The following ASAH2 variants were observed in gnomAD, a reference collection of about 807,000 sequenced individuals.
The protein encoded by ASAH2 is N-acylsphingosine amidohydrolase 2, also known as neutral ceramidase.
ASAH2 carries 58 observed loss-of-function variants against 82.9 expected under a neutral mutation model. That is an observed-to-expected ratio of 0.70 (90% CI 0.57 to 0.87). ASAH2 has a LOEUF of 0.87. Ranked by LOEUF, ASAH2 falls within the 40% of genes least tolerant of loss-of-function variation. The pLI, the probability that ASAH2 is intolerant of heterozygous loss-of-function variation, is 0.00. For synonymous variants in ASAH2, 276 were observed against 289.7 expected, an observed-to-expected ratio of 0.95 and a Z score of 0.48; for missense variants, 779 against 834.0, an observed-to-expected ratio of 0.93 and a Z score of 0.81.
At chr10:50,221,166 A>T (rs1845735233) in intron 7 of ASAH2, among the ~76,000 whole-genome samples, 1 of 152,194 alleles carries the variant, frequency 6.6e-6, no homozygotes, top group Non-Finnish European at 1.5e-5. Flanking sequence ...GTTTACATTT[A>T]GGAATATTCT....
chr10:50,218,420 T>C, intron 8 of ASAH2, 90 bp downstream of exon 8: 2 of 1,561,762 alleles, frequency 1.3e-6, no homozygotes, highest in East Asian at 4.5e-5. Flanking sequence ...GACACTTTAT[T>C]CTGGAGATTT....
chr10:50,225,653 G>C (rs1845862657), intron 7 of ASAH2, among the ~76,000 whole-genome samples: 2 of 152,134 alleles, frequency 1.3e-5, no homozygotes. Flanking sequence ...GCTCAAGTTT[G>C]AGTAATGGGA....
intron 14 of ASAH2, 29 bp downstream of exon 14, chr10:50,204,832 T>C: frequency 6.7e-7 from 1 of 1,495,320 alleles, no homozygotes; most frequent in South Asian, 1.2e-5. Context: ...AAACACATTT[T>C]TAACTAAGTA....
chr10:50,213,860 A>T (rs1012737096), intron 9 of ASAH2, among the ~76,000 whole-genome samples: 3 of 152,126 alleles, frequency 2.0e-5, no homozygotes, highest in Non-Finnish European at 2.9e-5. Flanking sequence ...CATTGGGTGG[A>T]GTTGACTGGG....
chr10:50,243,713 CTCT>C (rs1589359669), intron 3 of ASAH2, among the ~76,000 whole-genome samples: 2 of 152,160 alleles, frequency 1.3e-5, no homozygotes, highest in East Asian at 3.8e-4. Flanking sequence ...TTGGCAATGG[CTCT>C]TCTTCTCCTG....
intron 15 of ASAH2, among the ~76,000 whole-genome samples, chr10:50,203,298 C>A (rs1429304078): frequency 1.3e-5 from 2 of 151,886 alleles, no homozygotes; most frequent in African/African-American, 4.8e-5. Flanking sequence ...CAAAATACAG[C>A]ACAGATAAAA....
chr10:50,208,373 C>A (rs1845360839), intron 12 of ASAH2, among the ~76,000 whole-genome samples: 2 of 151,992 alleles, frequency 1.3e-5, no homozygotes, highest in South Asian at 2.1e-4. Flanking sequence ...ATTAATATTT[C>A]TATTTTAAGA....
chr10:50,196,325 T>C (rs1249223754), intron 18 of ASAH2, among the ~76,000 whole-genome samples: 3 of 151,956 alleles, frequency 2.0e-5, no homozygotes, highest in African/African-American at 7.2e-5. Flanking sequence ...GATGACATGA[T>C]ACTATATGTA....
chr10:50,206,548 A>ACACACG (rs1327554072), intron 12 of ASAH2, among the ~76,000 whole-genome samples: 1 of 149,912 alleles, frequency 6.7e-6, no homozygotes, highest in Non-Finnish European at 1.5e-5. Context: ...ACACACACAC[A>ACACACG]CACACACACA....
intron 7 of ASAH2, among the ~76,000 whole-genome samples, chr10:50,227,667 A>G (rs1845924607): frequency 6.6e-6 from 1 of 152,046 alleles, no homozygotes; most frequent in Non-Finnish European, 1.5e-5. Context: ...GATTTTTTTC[A>G]GGTTAAGTAA....
intron 4 of ASAH2, among the ~76,000 whole-genome samples, chr10:50,237,102 G>A (rs907477553): frequency 2.6e-5 from 4 of 152,256 alleles, no homozygotes; most frequent in East Asian, 1.9e-4. Context: ...AAAGCAAGTC[G>A]GCTGTGCAAT....
chr10:50,242,985 GA>G (rs1564851527), intron 4 of ASAH2, among the ~76,000 whole-genome samples: 2 of 152,188 alleles, frequency 1.3e-5, no homozygotes, highest in Non-Finnish European at 2.9e-5. Context: ...GTCATCAGCA[GA>G]AGTGAAAGCA....
At chr10:50,205,105 GA>G in intron 13 of ASAH2, 150 bp from the exon 14 acceptor site, 1 of 585,416 alleles carries the variant, frequency 1.7e-6, no homozygotes, top group East Asian at 2.9e-5. Context: ...GTCATAACAT[GA>G]GAATTTCAAA....
At chr10:50,223,582 A>G (rs1465144769) in intron 7 of ASAH2, among the ~76,000 whole-genome samples, 2 of 152,206 alleles carry the variant, frequency 1.3e-5, no homozygotes. Context: ...TCATAGCAAC[A>G]TGGGAGCTCT....
chr10:50,247,624 G>A (rs938255549), intron 2 of ASAH2, among the ~76,000 whole-genome samples: 8 of 152,062 alleles, frequency 5.3e-5, no homozygotes, highest in African/African-American at 1.9e-4. Flanking sequence ...GGCTACAAAA[G>A]GGAAAACTGA....
intron 14 of ASAH2, among the ~76,000 whole-genome samples, chr10:50,203,949 A>G (rs1047352106): frequency 6.6e-6 from 1 of 152,190 alleles, no homozygotes. Context: ...ATTATTTTCC[A>G]TTCTTGAGTC....
chr10:50,196,195 A>C (rs1844976819), intron 18 of ASAH2, among the ~76,000 whole-genome samples: 1 of 151,968 alleles, frequency 6.6e-6, no homozygotes, highest in South Asian at 2.1e-4. Flanking sequence ...AAATTAAATA[A>C]AATTTTTTAA....
intron 1 of ASAH2, 75 bp from the exon 2 acceptor site, chr10:50,248,721 A>G: frequency 1.8e-6 from 2 of 1,137,180 alleles, no homozygotes; most frequent in South Asian, 1.6e-5. Flanking sequence ...TAGCTCTTTC[A>G]TATTAATAGA....
rs2133208263 is a variant in ASAH2, at chr10:50,213,042, G to A, written c.1157C>T (p.Ala386Val). 9 of 1,613,516 alleles carry A rather than the reference G, an allele frequency of 5.6e-6. No homozygotes were observed. The South Asian group carries it at 8.8e-5, about 16-fold the overall frequency. ...AAACATATCCTGTCCAGGTCCCTTA[G>A]CAATGCACATGCTAGGCTGGAACAA... ...CPIGGPSMCI[A>V]KGPGQDMFDS... Residue 386 changes from alanine to valine, a missense_variant, in exon 10 of 21, where the codon GCT becomes GTT. This residue lies in a region of ASAH2 where 759 missense variants were observed against 755.2 expected (regional missense o/e 1.00). Transcript: ENST00000682911.
Sources: gnomAD v4.1 joint callset for allele counts (sites outside exome capture counted in the v4.1 genomes callset) on GRCh38, gnomAD v4.1.1 for gene constraint, gnomAD v4.1.1 regional missense constraint, MANE v1.5 for transcripts, NCBI Gene and HGNC (gene_info 2026-07-23, HGNC 2026-07-21) for gene names.